The following DIMT1 variants were observed in gnomAD, a reference collection of about 807,000 sequenced individuals.
DIMT1 encodes the protein dimethyladenosine transferase.
DIMT1 carries 36 observed loss-of-function variants against 43.2 expected under a neutral mutation model. The ratio of observed to expected loss-of-function variants is 0.83; its 90% confidence interval spans 0.64 to 1.10. DIMT1 has a LOEUF of 1.10. Ranked by LOEUF, DIMT1 falls within the 50% of genes least tolerant of loss-of-function variation. DIMT1 has a pLI of 0.00. For missense variants in DIMT1, 341 were observed against 385.3 expected, an observed-to-expected ratio of 0.88 and a Z score of 0.96; for synonymous variants, 126 against 130.3, an observed-to-expected ratio of 0.97 and a Z score of 0.22.
chr5:62,392,426 A>G (rs1742342275), intron 9 of DIMT1, among the ~76,000 whole-genome samples, 192 bp from the exon 10 acceptor site: 1 of 152,174 alleles, frequency 6.6e-6, no homozygotes, highest in Non-Finnish European at 1.5e-5. Context: ...CTTATGAAGC[A>G]AACACTAAAT....
Position 62,388,817 on chromosome 5 carries a change from T to C in DIMT1, c.*193A>G, listed in dbSNP as rs1455814505. 1.6e-6 allele frequency: 1 copy of C among 607,028 alleles called. No individual in the cohort carries two copies. The highest frequency in any genetic ancestry group is 2.9e-6 in the Non-Finnish European group (1 of 339,254). The allele number at this position is 607,028 out of a possible 1,614,324, so 37.6% of individuals were successfully genotyped here. ...GAATAGATTGGACCAGCATTATATATTAAAAACTTTGATACTTAGAACTTT... is the reference window on the plus strand; with the variant it reads ...GAATAGATTGGACCAGCATTATATACTAAAAACTTTGATACTTAGAACTTT... On this transcript the variant is annotated 3_prime_UTR_variant, in exon 12 of 12. Coordinates refer to ENST00000199320, the MANE Select transcript of DIMT1 (RefSeq NM_014473.4).
chr5:62,392,170 C>T lies in DIMT1; in HGVS notation c.792+1G>A, dbSNP rs142197144. 3.1e-6 allele frequency: 5 copies of T among 1,612,242 alleles called. No homozygotes were observed. The highest frequency in any genetic ancestry group is 1.1e-5 in the South Asian group (1 of 90,620). The stretch of plus-strand genomic sequence containing the variant: ...AACTGCAGGAACATTTTCTAACTTA[C>T]AATATTATGGACTGAACAGTGAATT... On this transcript the variant is annotated splice_donor_variant, in intron 10 of 11. Transcript: ENST00000199320. LOFTEE classifies it high-confidence loss of function.
intron 6 of DIMT1, among the ~76,000 whole-genome samples, chr5:62,396,139 G>GTTTTTTTTTTTGTTTTTTTTTTTT (rs1742480774): frequency 8.6e-6 from 1 of 116,746 alleles, no homozygotes; most frequent in Non-Finnish European, 1.7e-5. Context: ...GTCACTGCAG[G>GTTTTTTTTTTTGTTTTTTTTTTTT]TTTTTTTTTT....
chr5:62,392,350 G>A, intron 9 of DIMT1, 116 bp from the exon 10 acceptor site: 2 of 777,416 alleles, frequency 2.6e-6, no homozygotes, highest in Non-Finnish European at 4.2e-6. Context: ...TTTCATTTTA[G>A]ATGAAATTAA....
At chr5:62,395,055 G>A (rs561913823) in intron 6 of DIMT1, among the ~76,000 whole-genome samples, 130 of 147,648 alleles carry the variant, frequency 8.8e-4, no homozygotes, top group African/African-American at 3.0e-3. Flanking sequence ...ACGGAGTTTC[G>A]CTCTTGTCGC....
intron 7 of DIMT1, 148 bp downstream of exon 7, chr5:62,394,336 C>T (rs754246130): frequency 1.4e-5 from 12 of 861,422 alleles, no homozygotes; most frequent in East Asian, 5.3e-5. Flanking sequence ...GGCGTGGTGA[C>T]GCACACCTCT....
At position 62,392,979 on chromosome 5, in the gene DIMT1, A is replaced by C; in HGVS notation, c.675T>G (p.Gly225=). The C allele has an allele frequency of 1.9e-6, 3 of 1,608,968 alleles. No individual in the cohort carries two copies. The highest frequency in any genetic ancestry group is 2.6e-6 in the Non-Finnish European group (3 of 1,176,338). The change falls in exon 9 of 12, where the codon GGT becomes GGG. Residue 225 remains glycine (G), a synonymous_variant. Transcript: ENST00000199320. ...TCCTAACAAAGGTTATCCTTACTAG[A>C]CCATCCCATTCCTGAAATAGAAGAT... ...PPPINFQEWD[G]LVRITFVRKN...
chr5:62,392,944 G>A lies in DIMT1; in HGVS notation c.710C>T (p.Thr237Ile). The A allele has an allele frequency of 6.2e-7, 1 of 1,608,940 alleles. No individual in the cohort carries two copies. Among genetic ancestry groups the A allele is most frequent in the Non-Finnish European group, 8.5e-7 (1 of 1,175,658 alleles). Residue 237 changes from threonine to isoleucine, a missense_variant, in exon 9 of 12, where the codon ACA becomes ATA. By Grantham distance (89) the Thr-to-Ile change is moderately conservative. Coordinates refer to ENST00000199320, the MANE Select transcript of DIMT1 (RefSeq NM_014473.4). ...VRITFVRKNK[T>I]LSAAFKSSAV... ...TACTTACTTAAATGCAGCAGAGAGT[G>A]TCTTGTTTTTCCTAACAAAGGTTAT... is the stretch of plus-strand genomic sequence containing the variant.
intron 10 of DIMT1, chr5:62,391,753 T>C: frequency 7.4e-7 from 1 of 1,359,222 alleles, no homozygotes; most frequent in Non-Finnish European, 9.4e-7. Context: ...TTTCAATTTC[T>C]ATACAAAGAA....
intron 6 of DIMT1, 118 bp from the exon 7 acceptor site, chr5:62,394,725 TAGG>T (rs1742419924): frequency 2.2e-6 from 3 of 1,365,048 alleles, no homozygotes; most frequent in African/African-American, 2.9e-5. Context: ...GATTATAAGG[TAGG>T]AGAACACATT....
At chr5:62,397,373 A>C (rs1178301145) in intron 6 of DIMT1, among the ~76,000 whole-genome samples, 2 of 152,200 alleles carry the variant, frequency 1.3e-5, no homozygotes, top group Non-Finnish European at 2.9e-5. Flanking sequence ...AGGGTATGAC[A>C]GTTTTGGCAT....
chr5:62,391,584 T>G, intron 10 of DIMT1: 2 of 502,510 alleles, frequency 4.0e-6, no homozygotes, highest in Admixed American at 1.1e-4. Context: ...ATATAGGTTC[T>G]GAGTCATAAA....
Position 62,393,968 on chromosome 5 carries a change from G to A in DIMT1, c.650C>T (p.Pro217Leu). Residue 217 changes from proline to leucine, a missense_variant, in exon 8 of 12, where the codon CCC becomes CTC. Transcript: ENST00000199320. Reference sequence around the variant, plus strand: ...TTTTAACCTCACCTGAAAATTGATGGGTGGTGGTGGATTCTTAGGTTCTAT... The same window carrying A: ...TTTTAACCTCACCTGAAAATTGATGAGTGGTGGTGGATTCTTAGGTTCTAT... ...VRIEPKNPPP[P>L]INFQEWDGLV... The A allele has an allele frequency of 1.2e-6, 2 of 1,607,930 alleles. No individual in the cohort carries two copies. The highest frequency in any genetic ancestry group is 1.7e-6 in the Non-Finnish European group (2 of 1,178,332).
rs114967974 is a variant in DIMT1, at chr5:62,394,957, G to A, written c.447-350C>T. Among the ~76,000 whole-genome samples the A allele has an allele frequency of 5.2e-3, 798 of 152,168 alleles. 8 individuals are homozygous for A. The highest frequency in any genetic ancestry group is 0.018 in the African/African-American group (752 of 41,526). ...TGGGGTAGCAAACACCTTTAAGGAA[G>A]AGGTGAGACTGAAGAGGCAGATTGT... On this transcript the variant is annotated intron_variant, in intron 6 of 11. Coordinates refer to ENST00000199320, the MANE Select transcript of DIMT1 (RefSeq NM_014473.4).
At chr5:62,391,808 C>T (rs893157244) in intron 10 of DIMT1, 12 of 1,409,498 alleles carry the variant, frequency 8.5e-6, no homozygotes, top group South Asian at 5.0e-5. Context: ...AGAAACAAGA[C>T]GTGGTCACAA....
intron 1 of DIMT1, 141 bp downstream of exon 1, chr5:62,403,553 G>T: frequency 9.4e-7 from 1 of 1,064,080 alleles, no homozygotes; most frequent in South Asian, 1.5e-5. Flanking sequence ...CGGCCGAGTC[G>T]GGGACCCACC....
chr5:62,392,496 A>G (rs1025388392), intron 9 of DIMT1, among the ~76,000 whole-genome samples: 5 of 143,726 alleles, frequency 3.5e-5, no homozygotes, highest in African/African-American at 1.3e-4. Flanking sequence ...TAGACTCTCC[A>G]CAAAAAATCC....
intron 8 of DIMT1, 135 bp from the exon 9 acceptor site, chr5:62,393,125 TG>T: frequency 1.9e-6 from 1 of 535,074 alleles, no homozygotes; most frequent in Non-Finnish European, 3.2e-6. Flanking sequence ...TCTGTAATCT[TG>T]ATCTGGCTGG....
chr5:62,400,082 G>C (rs1742646825), intron 3 of DIMT1, among the ~76,000 whole-genome samples: 1 of 152,122 alleles, frequency 6.6e-6, no homozygotes, highest in Admixed American at 6.6e-5. Context: ...TGTTAGAGAA[G>C]AGCGTACAAT....
Sources: allele counts gnomAD v4.1 joint callset (sites outside exome capture counted in the v4.1 genomes callset), GRCh38; gene constraint gnomAD v4.1.1; transcripts MANE v1.5; gene names NCBI Gene and HGNC (gene_info 2026-07-23, HGNC 2026-07-21).